Variants in IMMP2L observed in about 807,000 individuals in gnomAD.
IMMP2L encodes inner mitochondrial membrane peptidase subunit 2.
A neutral mutation model predicts 19.3 loss-of-function variants in IMMP2L; 18 were observed. That is an observed-to-expected ratio of 0.93 (90% CI 0.64 to 1.38). The LOEUF is 1.38. Among genes scored for constraint, IMMP2L ranks in the 40% most tolerant of loss-of-function variants. IMMP2L has a pLI of 0.00. For synonymous variants in IMMP2L, 76 were observed against 73.0 expected (o/e 1.04, Z -0.21); for missense variants, 233 against 218.2 (o/e 1.07, Z -0.43).
chr7:110,672,559 G>C (rs1791994253), intron 5 of IMMP2L, among the ~76,000 whole-genome samples: 1 of 152,062 alleles, frequency 6.6e-6, no homozygotes, highest in South Asian at 2.1e-4. Context: ...CTGAGACAAG[G>C]CAAGTCCCTT....
intron 1 of IMMP2L, among the ~76,000 whole-genome samples, chr7:111,527,934 G>T (rs1345407675): frequency 6.6e-6 from 1 of 152,002 alleles, no homozygotes; most frequent in Non-Finnish European, 1.5e-5. Context: ...ACAAGTGGTT[G>T]CTATTTTCAG....
intron 3 of IMMP2L, among the ~76,000 whole-genome samples, chr7:111,466,488 A>AT (rs2132058421): frequency 6.6e-6 from 1 of 152,316 alleles, no homozygotes; most frequent in Non-Finnish European, 1.5e-5. Flanking sequence ...CTTATTTAAA[A>AT]AATTCCCTTA....
At chr7:111,371,691 G>A (rs1830275715) in intron 3 of IMMP2L, among the ~76,000 whole-genome samples, 1 of 151,832 alleles carries the variant, frequency 6.6e-6, no homozygotes, top group Non-Finnish European at 1.5e-5. Flanking sequence ...TGCATTAAAG[G>A]CACAAAAGTA....
intron 5 of IMMP2L, among the ~76,000 whole-genome samples, chr7:110,683,987 A>G (rs1792925996): frequency 1.3e-5 from 2 of 152,174 alleles, no homozygotes; most frequent in Admixed American, 6.6e-5. Flanking sequence ...TTTGTAAGAC[A>G]TTTGAATTTC....
intron 3 of IMMP2L, among the ~76,000 whole-genome samples, chr7:111,218,280 T>C (rs984916968): frequency 3.3e-5 from 5 of 152,090 alleles, no homozygotes; most frequent in Non-Finnish European, 7.4e-5. Flanking sequence ...CCAATTTCTG[T>C]GCACTTCCTT....
rs1432483707 is a variant in IMMP2L, at chr7:110,803,300, G to C, written c.408+83293C>G. 6.6e-6 allele frequency among the ~76,000 whole-genome samples: 1 copy of C among 152,056 alleles called. No individual in the cohort carries two copies. The highest frequency in any genetic ancestry group is 1.5e-5 in the Non-Finnish European group (1 of 67,986). ...GCAGCTGTGAGGTATGAGTTGCAGA[G>C]CTTAGAGACAGCCAGTTGATGTCCA... On this transcript the variant is annotated intron_variant, in intron 5 of 5. Coordinates refer to ENST00000405709, the MANE Select transcript of IMMP2L (RefSeq NM_032549.4). This position sits in a 1 kb window ranked among gnomAD's most constrained non-coding sequence, Gnocchi z 4.2.
At chr7:110,799,952 T>C (rs1801131989) in intron 5 of IMMP2L, among the ~76,000 whole-genome samples, 1 of 152,076 alleles carries the variant, frequency 6.6e-6, no homozygotes, top group African/African-American at 2.4e-5. Context: ...TGAAATTCAT[T>C]TCCATAAATG....
intron 5 of IMMP2L, among the ~76,000 whole-genome samples, chr7:110,818,134 G>T (rs1802700526): frequency 6.6e-6 from 1 of 152,104 alleles, no homozygotes; most frequent in African/African-American, 2.4e-5. Context: ...AAACTAAAGA[G>T]TTTCTGCACA....
chr7:110,755,089 G>A (rs1300511878), intron 5 of IMMP2L, among the ~76,000 whole-genome samples: 2 of 151,796 alleles, frequency 1.3e-5, no homozygotes, highest in Non-Finnish European at 2.9e-5. Context: ...CATAAGCTAT[G>A]GGTCTAAAAT....
At chr7:111,301,943 A>AAAAAC (rs1822295676) in intron 3 of IMMP2L, among the ~76,000 whole-genome samples, 2 of 141,108 alleles carry the variant, frequency 1.4e-5, no homozygotes, top group African/African-American at 5.2e-5. Flanking sequence ...AAAAAAAAAA[A>AAAAAC]AAAAAAAACC....
chr7:111,150,978 C>T (rs1804006619), intron 3 of IMMP2L, among the ~76,000 whole-genome samples: 1 of 152,164 alleles, frequency 6.6e-6, no homozygotes, highest in South Asian at 2.1e-4. Flanking sequence ...CTGTTTCCCA[C>T]CAGAGAACTG....
chr7:110,909,359 G>A (rs1249137789), intron 4 of IMMP2L, among the ~76,000 whole-genome samples: 3 of 152,126 alleles, frequency 2.0e-5, no homozygotes, highest in Admixed American at 2.0e-4. Flanking sequence ...CAAGAGACAT[G>A]AGTTCATTTT....
chr7:111,465,002 C>G (rs1014075613), intron 3 of IMMP2L, among the ~76,000 whole-genome samples: 1 of 152,104 alleles, frequency 6.6e-6, no homozygotes, highest in Admixed American at 6.5e-5. Context: ...CCGTGTTAGC[C>G]AGGATGGTCT....
At chr7:110,824,173 A>G (rs1441408076) in intron 5 of IMMP2L, among the ~76,000 whole-genome samples, 1 of 152,090 alleles carries the variant, frequency 6.6e-6, no homozygotes, top group African/African-American at 2.4e-5. Context: ...TAATTTTTTA[A>G]ACAAGACAAA....
intron 3 of IMMP2L, among the ~76,000 whole-genome samples, chr7:111,346,969 T>A (rs1038243958): frequency 6.6e-6 from 1 of 152,018 alleles, no homozygotes; most frequent in Non-Finnish European, 1.5e-5. Context: ...TGATAATAGA[T>A]GGCAGAGGGT....
At position 111,439,166 on chromosome 7, in the gene IMMP2L, A is replaced by G. The variant is rs575728081; in HGVS notation, c.239+48072T>C. On this transcript the variant is annotated intron_variant, in intron 3 of 5. Transcript: ENST00000405709. ...GGAAATGCTTCTCCCTGAAGTTTAC[A>G]TCCTTGCTTAGCTATTTCACTCATC... Among the ~76,000 whole-genome samples, 22 of 151,928 alleles carry G rather than the reference A, an allele frequency of 1.4e-4. 2 individuals carry two copies. The highest frequency in any genetic ancestry group is 4.6e-4 in the African/African-American group (19 of 41,268).
chr7:111,124,578 C>T, intron 3 of IMMP2L: 1 of 1,613,672 alleles, frequency 6.2e-7, no homozygotes, highest in Non-Finnish European at 8.5e-7. Context: ...ATCAGAAAAA[C>T]AGAAAAAAAT....
At chr7:110,720,704 A>C (rs1301718426) in intron 5 of IMMP2L, among the ~76,000 whole-genome samples, 1 of 152,188 alleles carries the variant, frequency 6.6e-6, no homozygotes, top group Non-Finnish European at 1.5e-5. Context: ...ATTCATTGGA[A>C]TATAACCCTT....
intron 5 of IMMP2L, among the ~76,000 whole-genome samples, chr7:110,774,008 T>C (rs1240166055): frequency 6.6e-6 from 1 of 152,056 alleles, no homozygotes; most frequent in Non-Finnish European, 1.5e-5. Flanking sequence ...AATTACTTTC[T>C]TTTTGTCCTT....
Sources: allele counts gnomAD v4.1 joint callset (sites outside exome capture counted in the v4.1 genomes callset), GRCh38; gene constraint gnomAD v4.1.1; non-coding constraint Gnocchi (gnomAD v3.1); transcripts MANE v1.5; gene names NCBI Gene and HGNC (gene_info 2026-07-23, HGNC 2026-07-21).